The following SYN2 variants were observed in gnomAD, a reference collection of about 807,000 sequenced individuals.
SYN2 encodes the protein synapsin II, also known as synapsin-2.
SYN2 carries 19 observed loss-of-function variants against 50.9 expected under a neutral mutation model. That is an observed-to-expected ratio of 0.37 (90% CI 0.26 to 0.55). The LOEUF (loss-of-function observed/expected upper bound fraction) is 0.55. Ranked by LOEUF, SYN2 falls within the 20% of genes least tolerant of loss-of-function variation. The pLI is 0.81. For synonymous variants in SYN2, 255 were observed against 224.9 expected (o/e 1.13, Z -1.20); for missense variants, 587 against 576.4 (o/e 1.02, Z -0.19).
chr3:12,068,305 A>G (rs6442305), intron 1 of SYN2, among the ~76,000 whole-genome samples: 12,322 of 152,188 alleles, frequency 0.081, 891 homozygotes, highest in East Asian at 0.19. Context: ...TGTTGAAGGC[A>G]TTGCTCAGTT....
In SYN2 at chr3:12,190,496, G is replaced by T. The variant is rs151063425; in HGVS notation, c.1620G>T (p.Ser540=). Residue 540 remains serine, a synonymous_variant, in exon 13 of 13, where the codon TCG becomes TCT. Coordinates refer to ENST00000621198, the MANE Select transcript of SYN2 (RefSeq NM_133625.6). ...KPQPHPQLNK[S]QSLTNAFSFS... ...TCTGGTTTTTATCTTCAAGCAAGTC[G>T]CAGTCCCTGACAAATGCCTTCAGCT... The T allele has an allele frequency of 1.9e-6, 3 of 1,613,374 alleles. No individual in the cohort carries two copies. Among genetic ancestry groups the T allele is most frequent in the East Asian group, 2.2e-5 (1 of 44,842 alleles).
At chr3:12,069,250 T>G (rs1695286605) in intron 1 of SYN2, among the ~76,000 whole-genome samples, 1 of 152,026 alleles carries the variant, frequency 6.6e-6, no homozygotes, top group African/African-American at 2.4e-5. Context: ...TGACCTTTTT[T>G]TTTTTTTTTG....
At chr3:12,092,753 A>G (rs747981846) in intron 1 of SYN2, among the ~76,000 whole-genome samples, 4 of 152,186 alleles carry the variant, frequency 2.6e-5, no homozygotes, top group Admixed American at 6.5e-5. Flanking sequence ...AATGTTTTGT[A>G]TAGTTGGTAC....
chr3:12,049,541 A>T (rs1694811831), intron 1 of SYN2, among the ~76,000 whole-genome samples: 1 of 151,772 alleles, frequency 6.6e-6, no homozygotes, highest in Non-Finnish European at 1.5e-5. Flanking sequence ...ATAATAAAAA[A>T]TAAAAAAACT....
At position 12,145,787 on chromosome 3, in the gene SYN2, C is replaced by T; in HGVS notation, c.636C>T (p.Ser212=). ...GTATGCAGTATGCAGGCCTCCCCAG[C>T]ATCAACTCACTGGAATCCATATACA... The part of the protein sequence containing the change: ...IIGMQYAGLP[S]INSLESIYNF... The change falls in exon 4 of 13, where the codon AGC becomes AGT. Residue 212 remains serine (S), a synonymous_variant. Transcript: ENST00000621198. The T allele has an allele frequency of 6.2e-7, 1 of 1,614,024 alleles. No individual in the cohort carries two copies. Among genetic ancestry groups the T allele is most frequent in the Non-Finnish European group, 8.5e-7 (1 of 1,179,884 alleles).
At chr3:12,126,620 G>A (rs751481461) in intron 1 of SYN2, among the ~76,000 whole-genome samples, 50 of 152,180 alleles carry the variant, frequency 3.3e-4, no homozygotes, top group Non-Finnish European at 6.6e-4. Flanking sequence ...ATCTGCTCTG[G>A]AGTCAGTTTT....
chr3:12,186,257 C>T (rs982894584), intron 11 of SYN2, among the ~76,000 whole-genome samples: 3 of 152,190 alleles, frequency 2.0e-5, no homozygotes, highest in Non-Finnish European at 4.4e-5. Flanking sequence ...CCTCCCAGGG[C>T]AGTCGTGCAT....
chr3:12,180,374 G>A (rs1479458787), intron 10 of SYN2, among the ~76,000 whole-genome samples: 1 of 152,140 alleles, frequency 6.6e-6, no homozygotes. Context: ...GGAAAGCTCT[G>A]CCTCTCAGTC....
chr3:12,016,427 A>G (rs1694031161), intron 1 of SYN2, among the ~76,000 whole-genome samples: 1 of 152,242 alleles, frequency 6.6e-6, no homozygotes, highest in Non-Finnish European at 1.5e-5. Flanking sequence ...CTCAAGGAAG[A>G]CAGAATTAGG....
intron 1 of SYN2, among the ~76,000 whole-genome samples, chr3:12,020,201 T>G (rs183346873): frequency 6.6e-6 from 1 of 152,306 alleles, no homozygotes; most frequent in East Asian, 1.9e-4. Flanking sequence ...AGCTTCTTAT[T>G]TTTCTTTGTA....
At chr3:12,098,169 A>G (rs575091831) in intron 1 of SYN2, among the ~76,000 whole-genome samples, 1 of 152,324 alleles carries the variant, frequency 6.6e-6, no homozygotes, top group South Asian at 2.1e-4. Flanking sequence ...GAGATCTTAA[A>G]AAGATTAACA....
intron 1 of SYN2, among the ~76,000 whole-genome samples, chr3:12,119,033 A>G (rs1490326276): frequency 6.6e-6 from 1 of 152,108 alleles, no homozygotes; most frequent in East Asian, 1.9e-4. Context: ...CTTGTGGTTG[A>G]TGCCACTGTA....
At chr3:12,023,071 A>T (rs922629353) in intron 1 of SYN2, among the ~76,000 whole-genome samples, 27 of 152,160 alleles carry the variant, frequency 1.8e-4, no homozygotes, top group Non-Finnish European at 1.9e-4. Context: ...CTGGCAAGTA[A>T]TCTTAGTGTT....
chr3:12,130,097 C>T (rs1425725028), intron 1 of SYN2, among the ~76,000 whole-genome samples: 1 of 152,006 alleles, frequency 6.6e-6, no homozygotes, highest in Non-Finnish European at 1.5e-5. Flanking sequence ...TTGTTTAAGC[C>T]AGCCAGTCTA....
intron 1 of SYN2, among the ~76,000 whole-genome samples, chr3:12,098,581 A>T (rs893962645): frequency 6.6e-6 from 1 of 152,020 alleles, no homozygotes; most frequent in Non-Finnish European, 1.5e-5. Flanking sequence ...TAAATAAATG[A>T]CAAAGGTATT....
chr3:12,045,056 G>A (rs111721284), intron 1 of SYN2, among the ~76,000 whole-genome samples: 1 of 152,134 alleles, frequency 6.6e-6, no homozygotes, highest in African/African-American at 2.4e-5. Context: ...ATGCCTTAAA[G>A]ATGATGTGAT....
intron 1 of SYN2, among the ~76,000 whole-genome samples, chr3:12,118,405 C>T (rs752852574): frequency 2.6e-5 from 4 of 152,120 alleles, no homozygotes; most frequent in Admixed American, 1.3e-4. Context: ...TCTAAAAATA[C>T]GTGAATGAAT....
chr3:12,124,051 C>T (rs371066444), intron 1 of SYN2, among the ~76,000 whole-genome samples: 11 of 152,084 alleles, frequency 7.2e-5, no homozygotes, highest in South Asian at 6.2e-4. Context: ...TCTCAGAGAT[C>T]GCTTCTGAAA....
chr3:12,164,963 G>A (rs1473912671), intron 7 of SYN2, among the ~76,000 whole-genome samples: 2 of 147,648 alleles, frequency 1.4e-5, no homozygotes, highest in Non-Finnish European at 3.0e-5. Flanking sequence ...ATGAGGTTCA[G>A]TTTCTTCCTT....
Sources: gnomAD v4.1 joint callset for allele counts (sites outside exome capture counted in the v4.1 genomes callset) on GRCh38, gnomAD v4.1.1 for gene constraint, MANE v1.5 for transcripts, NCBI Gene and HGNC (gene_info 2026-07-23, HGNC 2026-07-21) for gene names.